The following TBC1D31 variants were observed in gnomAD, a reference collection of about 807,000 sequenced individuals.
The protein encoded by TBC1D31 is WD repeat domain 67.
TBC1D31 carries 99 observed loss-of-function variants against 132.9 expected under a neutral mutation model. That is an observed-to-expected ratio of 0.74 (90% CI 0.63 to 0.88). TBC1D31 has a LOEUF of 0.88. Among genes scored for constraint, TBC1D31 ranks in the 40% least tolerant of loss-of-function variants. The pLI is 0.00. For synonymous variants in TBC1D31, 385 were observed against 419.4 expected, an observed-to-expected ratio of 0.92 and a Z score of 1.00; for missense variants, 1,134 against 1,256.6, an observed-to-expected ratio of 0.90 and a Z score of 1.48.
chr8:123,147,321 C>T (rs75290620), intron 20 of TBC1D31, among the ~76,000 whole-genome samples: 2 of 152,006 alleles, frequency 1.3e-5, no homozygotes, highest in Non-Finnish European at 2.9e-5. Flanking sequence ...AACAGGCGCC[C>T]ACCACCACGC....
In TBC1D31 at chr8:123,084,157, C is replaced by A; in HGVS notation, c.341-5C>A. 6.2e-7 allele frequency: 1 copy of A among 1,612,890 alleles called. No homozygotes were observed. Among genetic ancestry groups the A allele is most frequent in the South Asian group, 1.1e-5 (1 of 90,912 alleles). The stretch of plus-strand genomic sequence containing the variant: ...CCTGGGTAACAATTTTACTTTTTAC[C>A]ACAGTCACCAAGGAGCTAGTTAGCT... On this transcript the variant is annotated splice_region_variant and splice_polypyrimidine_tract_variant and intron_variant, in intron 3 of 21. Coordinates refer to ENST00000287380, the MANE Select transcript of TBC1D31 (RefSeq NM_145647.4).
intron 7 of TBC1D31, chr8:123,102,207 C>G (rs1390789885): frequency 8.8e-6 from 4 of 456,284 alleles, no homozygotes; most frequent in Non-Finnish European, 1.8e-5. Context: ...CTAACAGAGA[C>G]TTTGATGATC....
chr8:123,128,654 A>G lies in TBC1D31; in HGVS notation c.2117+141A>G, dbSNP rs960070269. On this transcript the variant is annotated intron_variant, in intron 14 of 21. Transcript: ENST00000287380. Reference sequence around the variant, plus strand: ...CACTTTGGGAGGCCAAGGCAGGTAGATCACAAGGTCAGGAGTTCGAGACCA... The same window carrying G: ...CACTTTGGGAGGCCAAGGCAGGTAGGTCACAAGGTCAGGAGTTCGAGACCA... The G allele has an allele frequency of 6.1e-5, 39 of 637,726 alleles. No homozygotes were observed. In the East Asian group the frequency reaches 9.9e-4, roughly 16 times the overall value. The allele number at this position is 637,726 out of a possible 1,614,324, so 39.5% of individuals were successfully genotyped here.
At chr8:123,119,713 G>A (rs1444384171) in intron 10 of TBC1D31, among the ~76,000 whole-genome samples, 4 of 151,910 alleles carry the variant, frequency 2.6e-5, no homozygotes, top group Admixed American at 6.6e-5. Flanking sequence ...GCCCTGTTTC[G>A]GGAAAACAAA....
At chr8:123,100,386 G>A (rs1250445351) in intron 6 of TBC1D31, among the ~76,000 whole-genome samples, 2 of 152,036 alleles carry the variant, frequency 1.3e-5, no homozygotes, top group African/African-American at 2.4e-5. Flanking sequence ...GAGCAGCCTG[G>A]CCAACATGGT....
At chr8:123,132,932 C>G (rs1209747152) in intron 16 of TBC1D31, among the ~76,000 whole-genome samples, 3 of 152,140 alleles carry the variant, frequency 2.0e-5, no homozygotes, top group Non-Finnish European at 4.4e-5. Context: ...ATTCCAAACC[C>G]CTTTGAAACA....
the TBC1D31 span, among the ~76,000 whole-genome samples, chr8:123,158,487 G>A: frequency 3.3e-5 from 5 of 152,178 alleles, no homozygotes; most frequent in Admixed American, 1.3e-4. Context: ...GAAAGGACGA[G>A]TGATGGACAG....
chr8:123,124,891 C>T (rs1465630016), intron 11 of TBC1D31, among the ~76,000 whole-genome samples: 1 of 148,398 alleles, frequency 6.7e-6, no homozygotes, highest in Non-Finnish European at 1.5e-5. Flanking sequence ...GAGCCGAGAT[C>T]GCGCCACTGC....
intron 15 of TBC1D31, 64 bp from the exon 16 acceptor site, chr8:123,130,134 T>C (rs1820468493): frequency 2.0e-6 from 3 of 1,523,248 alleles, no homozygotes; most frequent in Non-Finnish European, 8.9e-7. Flanking sequence ...AGACCTGTTA[T>C]GAAAAAACTA....
intron 11 of TBC1D31, chr8:123,123,350 GA>G: frequency 5.6e-6 from 1 of 179,728 alleles, no homozygotes. Flanking sequence ...TCCTAAAGGG[GA>G]AACAAAGAAG....
intron 7 of TBC1D31, among the ~76,000 whole-genome samples, chr8:123,101,630 G>A (rs1195709994): frequency 6.6e-6 from 1 of 152,070 alleles, no homozygotes; most frequent in Non-Finnish European, 1.5e-5. Context: ...GGTCAGGCTG[G>A]TCTCAAACTC....
At chr8:123,092,803 G>A (rs1214968024) in intron 4 of TBC1D31, among the ~76,000 whole-genome samples, 6 of 98,268 alleles carry the variant, frequency 6.1e-5, no homozygotes, top group African/African-American at 1.3e-4. Context: ...GCACACACCC[G>A]GCTAATTTTT....
At chr8:123,123,904 T>C (rs1819746911) in intron 11 of TBC1D31, among the ~76,000 whole-genome samples, 1 of 152,208 alleles carries the variant, frequency 6.6e-6, no homozygotes, top group Non-Finnish European at 1.5e-5. Flanking sequence ...CTTGGTACAC[T>C]ATGGGGATTA....
intron 17 of TBC1D31, among the ~76,000 whole-genome samples, chr8:123,139,231 G>C (rs1416802927): frequency 6.6e-6 from 1 of 150,390 alleles, no homozygotes; most frequent in African/African-American, 2.5e-5. Flanking sequence ...TAGAAATATT[G>C]TAAGTTGAAA....
At chr8:123,085,428 C>G (rs1815631478) in intron 4 of TBC1D31, among the ~76,000 whole-genome samples, 1 of 149,734 alleles carries the variant, frequency 6.7e-6, no homozygotes, top group Non-Finnish European at 1.5e-5. Flanking sequence ...TTTCACTCAG[C>G]ATAATTTTGT....
chr8:123,163,363 C>CGTT, the TBC1D31 span, among the ~76,000 whole-genome samples: 1 of 41,326 alleles, frequency 2.4e-5, no homozygotes, highest in Non-Finnish European at 4.3e-5. Context: ...ATCACTTTAA[C>CGTT]CTTTTTTTTT....
intron 2 of TBC1D31, 62 bp downstream of exon 2, chr8:123,077,319 G>A (rs781663484): frequency 1.5e-5 from 21 of 1,436,952 alleles, no homozygotes; most frequent in African/African-American, 5.8e-5. Flanking sequence ...GACTGTTTTC[G>A]TACCTGCTAT....
At chr8:123,105,546 C>A in intron 8 of TBC1D31, 82 bp downstream of exon 8, 1 of 1,145,216 alleles carries the variant, frequency 8.7e-7, no homozygotes, top group Non-Finnish European at 1.2e-6. Flanking sequence ...CCACTCTTCT[C>A]TCTCTTGGGA....
At chr8:123,138,643 A>G (rs1821324588) in intron 17 of TBC1D31, among the ~76,000 whole-genome samples, 1 of 152,096 alleles carries the variant, frequency 6.6e-6, no homozygotes, top group Admixed American at 6.5e-5. Context: ...GGATTTGCCT[A>G]TTCTGGATAT....
Sources: allele counts gnomAD v4.1 joint callset (sites outside exome capture counted in the v4.1 genomes callset), GRCh38; gene constraint gnomAD v4.1.1; transcripts MANE v1.5; gene names NCBI Gene and HGNC (gene_info 2026-07-23, HGNC 2026-07-21).